The following ANGPTL4 variants were observed in gnomAD, a reference collection of about 807,000 sequenced individuals.
ANGPTL4 encodes angiopoietin-related protein 4.
Under a neutral mutation model 39.2 loss-of-function variants are expected in ANGPTL4, and 39 were observed. The ratio of observed to expected loss-of-function variants is 1.00; its 90% CI spans 0.77 to 1.30. The LOEUF (loss-of-function observed/expected upper bound fraction) is 1.30, where lower values mean the gene tolerates loss of function less well. ANGPTL4 is among the 50% of genes most tolerant of loss of function. ANGPTL4 has a pLI of 0.00. For synonymous variants in ANGPTL4, 233 were observed against 229.5 expected, an observed-to-expected ratio of 1.02 and a Z score of -0.14; for missense variants, 545 against 549.8, an observed-to-expected ratio of 0.99 and a Z score of 0.09.
chr19:8,371,500 G>A lies in ANGPTL4; in HGVS notation c.1017G>A (p.Lys339=). Residue 339 remains lysine, a synonymous_variant, in exon 6 of 7, where the codon AAG becomes AAA. Coordinates refer to ENST00000301455, the MANE Select transcript of ANGPTL4 (RefSeq NM_139314.3). This position sits in a 1 kb window ranked among gnomAD's most constrained non-coding sequence, Gnocchi z 5.1. ...AGGATCACGACCTCCGCAGGGACAA[G>A]AACTGCGCCAAGAGCCTCTCTGGTG... ...WDQDHDLRRD[K]NCAKSLSGGW... The A allele has an allele frequency of 6.2e-7, 1 of 1,613,098 alleles. No individual in the cohort carries two copies. The highest frequency in any genetic ancestry group is 8.5e-7 in the Non-Finnish European group (1 of 1,180,028).
Position 8,371,992 on chromosome 19 carries a change from T to G in ANGPTL4, c.1039+470T>G, listed in dbSNP as rs1242184822. On this transcript the variant is annotated intron_variant, in intron 6 of 6. Coordinates refer to ENST00000301455, the MANE Select transcript of ANGPTL4 (RefSeq NM_139314.3). The surrounding 1 kb of genome is among the most constrained non-coding windows in gnomAD (Gnocchi z 5.1). The stretch of plus-strand genomic sequence containing the variant: ...CCAGGATGGTCTCGATCTCCTGACC[T>G]CGTGATCTGCCTGCCTCAGCCTCCC... Among the ~76,000 whole-genome samples the G allele has an allele frequency of 1.3e-5, 2 of 152,006 alleles. No individual in the cohort carries two copies.
chr19:8,372,726 A>G (rs1325483881), intron 6 of ANGPTL4, among the ~76,000 whole-genome samples: 1 of 151,728 alleles, frequency 6.6e-6, no homozygotes, highest in Non-Finnish European at 1.5e-5. Flanking sequence ...CCTAGGAGAT[A>G]AGGCTGCAGT....
rs765119888 is a variant in ANGPTL4 at position 8,369,360 on chromosome 19, C to CCT, written c.661+32_661+33dup. The CCT allele has an allele frequency of 1.9e-5, 30 of 1,545,754 alleles. No individual in the cohort carries two copies. The South Asian group carries it at 3.4e-4, about 18-fold the overall frequency. ...AGGGTGTGTTAGTCCACCAGGGGCC[C>CCT]CTCTCCCCATAGGCCCTGTTGTCTT... On this transcript the variant is annotated intron_variant, in intron 4 of 6. Transcript: ENST00000301455.
At chr19:8,368,786 C>A (rs1443195680) in intron 3 of ANGPTL4, among the ~76,000 whole-genome samples, 2 of 152,108 alleles carry the variant, frequency 1.3e-5, no homozygotes, top group East Asian at 1.9e-4. Context: ...ACCTGGGAGG[C>A]GGAGGTTGCA....
In ANGPTL4 at chr19:8,364,238, G is replaced by A. The variant is rs901683775; in HGVS notation, c.-84G>A. 3 of 1,399,764 alleles carry A rather than the reference G, an allele frequency of 2.1e-6. No homozygotes were observed. The Admixed American group carries it at 6.6e-5, about 31-fold the overall frequency. The allele number at this position is 1,399,764 out of a possible 1,614,324, so 86.7% of individuals were successfully genotyped here. Reference sequence around the variant, plus strand: ...TGCAACCAAGCGGGTCTTACCCCCGGTCCTCCGCGTCTCCAGTCCTCGCAC... The same window carrying A: ...TGCAACCAAGCGGGTCTTACCCCCGATCCTCCGCGTCTCCAGTCCTCGCAC... On this transcript the variant is annotated 5_prime_UTR_variant, in exon 1 of 7. Transcript: ENST00000301455.
rs140640857 is a variant in ANGPTL4, at chr19:8,366,271, G to A, written c.499G>A (p.Glu167Lys). 651 of 1,614,070 alleles carry A rather than the reference G, an allele frequency of 4.0e-4. No homozygotes were observed. Among genetic ancestry groups the A allele is most frequent in the Non-Finnish European group, 4.7e-4 (557 of 1,180,012 alleles). ...AKPARRKRLP[E>K]MAQPVDPAHN... is the part of the protein sequence containing the mutation. Reference sequence around the variant, plus strand: ...GCCTGCCCGAAGAAAGAGGCTGCCCGAGATGGCCCAGCCAGTTGACCCGGC... The same window carrying A: ...GCCTGCCCGAAGAAAGAGGCTGCCCAAGATGGCCCAGCCAGTTGACCCGGC... The change falls in exon 3 of 7, where the codon GAG becomes AAG. Residue 167 changes from glutamate (E) to lysine (K), a missense_variant. Transcript: ENST00000301455.
chr19:8,371,339 TTGC>T lies in ANGPTL4; in HGVS notation c.860_862del (p.Leu287del). ...GCGGGACTGGGATGGCAACGCCGAG[TTGC>T]TGCAGTTCTCCGTGCACCTGGGTGG... is the stretch of plus-strand genomic sequence containing the variant. On this transcript the variant is annotated inframe_deletion, in exon 6 of 7. Coordinates refer to ENST00000301455, the MANE Select transcript of ANGPTL4 (RefSeq NM_139314.3). This position sits in a 1 kb window ranked among gnomAD's most constrained non-coding sequence, Gnocchi z 5.1. 1.2e-6 allele frequency: 2 copies of T among 1,613,754 alleles called. No individual in the cohort carries two copies. The highest frequency in any genetic ancestry group is 1.7e-6 in the Non-Finnish European group (2 of 1,180,002).
At chr19:8,372,502 T>TC (rs1555688245) in intron 6 of ANGPTL4, among the ~76,000 whole-genome samples, 1 of 44,568 alleles carries the variant, frequency 2.2e-5, no homozygotes, top group Non-Finnish European at 4.8e-5. Context: ...CAAGCAATTC[T>TC]CAAAAAAAAA....
chr19:8,364,978 G>A (rs1313181345), intron 1 of ANGPTL4, among the ~76,000 whole-genome samples: 1 of 152,154 alleles, frequency 6.6e-6, no homozygotes, highest in East Asian at 1.9e-4. Context: ...AGACTAGCCT[G>A]GCCAACATGG....
chr19:8,373,579 A>G, intron 6 of ANGPTL4, 126 bp from the exon 7 acceptor site: 1 of 1,332,940 alleles, frequency 7.5e-7, no homozygotes, highest in Non-Finnish European at 1.0e-6. Context: ...TCAAAAAAAA[A>G]AAAGTCAAGT....
At chr19:8,368,123 A>AG (rs1971043855) in intron 3 of ANGPTL4, among the ~76,000 whole-genome samples, 1 of 148,280 alleles carries the variant, frequency 6.7e-6, no homozygotes, top group Non-Finnish European at 1.5e-5. Context: ...GGTTCAAGTG[A>AG]TTCTCCTGCC....
rs768754343 is a variant in ANGPTL4, at chr19:8,371,114, C to T, written c.720C>T (p.Pro240=). ...ATGGCTCAGTGGACTTCAACCGGCC[C>T]TGGGAAGCCTACAAGGCGGGGTTTG... ...RHDGSVDFNR[P]WEAYKAGFGD... is the part of the protein sequence containing the mutation. The change falls in exon 5 of 7, where the codon CCC becomes CCT. Residue 240 remains proline, a synonymous_variant. Coordinates refer to ENST00000301455, the MANE Select transcript of ANGPTL4 (RefSeq NM_139314.3). This position sits in a 1 kb window ranked among gnomAD's most constrained non-coding sequence, Gnocchi z 5.1. 6.2e-7 allele frequency: 1 copy of T among 1,612,226 alleles called. No individual in the cohort carries two copies. The highest frequency in any genetic ancestry group is 1.7e-5 in the Admixed American group (1 of 59,624).
chr19:8,371,583 T>A lies in ANGPTL4; in HGVS notation c.1039+61T>A, dbSNP rs1198397889. The stretch of plus-strand genomic sequence containing the variant: ...GCTTCCCTCCTTATCTTTCTGCTGC[T>A]CTGTCCTGCCTTCAACCCCACATTG... On this transcript the variant is annotated intron_variant, in intron 6 of 6. Coordinates refer to ENST00000301455, the MANE Select transcript of ANGPTL4 (RefSeq NM_139314.3). The surrounding 1 kb of genome is among the most constrained non-coding windows in gnomAD (Gnocchi z 5.1). 6 of 1,605,148 alleles carry A rather than the reference T, an allele frequency of 3.7e-6. No homozygotes were observed. The highest frequency in any genetic ancestry group is 5.1e-6 in the Non-Finnish European group (6 of 1,178,048).
intron 4 of ANGPTL4, 95 bp downstream of exon 4, chr19:8,369,427 A>C: frequency 1.2e-5 from 10 of 866,498 alleles, no homozygotes; most frequent in Non-Finnish European, 1.7e-5. Flanking sequence ...AATTAAAGGC[A>C]GGGTCTTGCT....
Position 8,371,483 on chromosome 19 carries a change from G to C in ANGPTL4, c.1000G>C (p.Asp334His). Reference sequence around the variant, plus strand: ...CTTCTCCACTTGGGACCAGGATCACGACCTCCGCAGGGACAAGAACTGCGC... The same window carrying C: ...CTTCTCCACTTGGGACCAGGATCACCACCTCCGCAGGGACAAGAACTGCGC... ...VPFSTWDQDHDLRRDKNCAKS... is the reference protein window; with the variant it reads ...VPFSTWDQDHHLRRDKNCAKS... The change falls in exon 6 of 7, where the codon GAC becomes CAC. Residue 334 changes from aspartate to histidine, a missense_variant. Asp to His is a moderately conservative substitution (Grantham distance 81). Transcript: ENST00000301455. This position sits in a 1 kb window ranked among gnomAD's most constrained non-coding sequence, Gnocchi z 5.1. 2 of 1,613,168 alleles carry C rather than the reference G, an allele frequency of 1.2e-6. No individual in the cohort carries two copies. Among genetic ancestry groups the C allele is most frequent in the South Asian group, 2.2e-5 (2 of 91,078 alleles).
Position 8,373,746 on chromosome 19 carries a change from G to A in ANGPTL4, c.1081G>A (p.Gly361Ser), listed in dbSNP as rs755737249. 51 of 1,613,822 alleles carry A rather than the reference G, an allele frequency of 3.2e-5. No individual in the cohort carries two copies. The highest frequency in any genetic ancestry group is 3.8e-5 in the Non-Finnish European group (45 of 1,180,026). ...CACCTGCAGCCATTCCAACCTCAAC[G>A]GCCAGTACTTCCGCTCCATCCCACA... ...FGTCSHSNLN[G>S]QYFRSIPQQR... is the part of the protein sequence containing the mutation. The change falls in exon 7 of 7, where the codon GGC (glycine) becomes AGC (serine). Residue 361 changes from glycine to serine, a missense_variant. By Grantham distance (56) the Gly-to-Ser change is moderately conservative. Transcript: ENST00000301455.
chr19:8,373,726 G>A lies in ANGPTL4; in HGVS notation c.1061G>A (p.Cys354Tyr), dbSNP rs1217163276. Residue 354 changes from cysteine (C) to tyrosine (Y), a missense_variant, in exon 7 of 7, where the codon TGC becomes TAC. Cys to Tyr is a radical substitution (Grantham distance 194, BLOSUM62 -2). Transcript: ENST00000301455. ...SLSGGWWFGT[C>Y]SHSNLNGQYF... ...GCAGGAGGCTGGTGGTTTGGCACCT[G>A]CAGCCATTCCAACCTCAACGGCCAG... 4 of 1,613,872 alleles carry A rather than the reference G, an allele frequency of 2.5e-6. No individual in the cohort carries two copies. Among genetic ancestry groups the A allele is most frequent in the East Asian group, 4.5e-5 (2 of 44,870 alleles).
chr19:8,369,452 G>A, intron 4 of ANGPTL4, 120 bp downstream of exon 4: 1 of 619,762 alleles, frequency 1.6e-6, no homozygotes, highest in South Asian at 1.9e-5. Context: ...TGCCCAAGCT[G>A]GTCTTTTTTT....
At chr19:8,370,166 GC>G (rs1244693497) in intron 4 of ANGPTL4, among the ~76,000 whole-genome samples, 19 of 152,080 alleles carry the variant, frequency 1.2e-4, no homozygotes, top group Admixed American at 9.8e-4. Flanking sequence ...TGACGCCACC[GC>G]ACTCCAGCCT....
Sources: allele counts gnomAD v4.1 joint callset (sites outside exome capture counted in the v4.1 genomes callset), GRCh38; gene constraint gnomAD v4.1.1; non-coding constraint Gnocchi (gnomAD v3.1); transcripts MANE v1.5; gene names NCBI Gene and HGNC (gene_info 2026-07-23, HGNC 2026-07-21).